The following MSI2 variants were observed in gnomAD, a reference collection of about 807,000 sequenced individuals.
MSI2 encodes the protein RNA-binding protein Musashi homolog 2.
In MSI2, 17 loss-of-function variants were observed where a neutral mutation model predicts 45.6. The ratio of observed to expected loss-of-function variants is 0.37; its 90% CI spans 0.26 to 0.56. The LOEUF (loss-of-function observed/expected upper bound fraction) is 0.56, where lower values mean the gene tolerates loss of function less well. Ranked by LOEUF, MSI2 falls within the 20% of genes least tolerant of loss-of-function variation. The pLI is 0.77. For missense variants in MSI2, 293 were observed against 444.2 expected (o/e 0.66, Z 3.06); for synonymous variants, 156 against 158.2 (o/e 0.99, Z 0.11).
intron 6 of MSI2, among the ~76,000 whole-genome samples, chr17:57,492,617 G>T (rs1230368746): frequency 6.6e-6 from 1 of 150,864 alleles, no homozygotes; most frequent in East Asian, 1.9e-4. Flanking sequence ...GTTTTGTTTT[G>T]TTTTTTTTTG....
At chr17:57,676,284 G>A (rs894178161) in intron 12 of MSI2, among the ~76,000 whole-genome samples, 3 of 152,062 alleles carry the variant, frequency 2.0e-5, no homozygotes, top group Non-Finnish European at 4.4e-5. Context: ...ACGCACACAC[G>A]CACACACAGG....
intron 6 of MSI2, among the ~76,000 whole-genome samples, chr17:57,426,855 G>T (rs745768545): frequency 3.9e-5 from 6 of 152,246 alleles, no homozygotes; most frequent in Admixed American, 2.6e-4. Context: ...CAGCGTTAGA[G>T]TGAAGATTTT....
chr17:57,304,847 A>G (rs1911749435), intron 5 of MSI2, among the ~76,000 whole-genome samples: 2 of 152,158 alleles, frequency 1.3e-5, no homozygotes, highest in Non-Finnish European at 2.9e-5. Context: ...CCCTCTCCTA[A>G]GAAAAATCCC....
At chr17:57,279,715 G>C (rs527639812) in intron 5 of MSI2, 5 of 152,314 alleles carry the variant, frequency 3.3e-5, no homozygotes, top group African/African-American at 1.2e-4. Flanking sequence ...CACAATCAAA[G>C]CTCACTGCAG....
chr17:57,266,780 A>G (rs1907830193), intron 5 of MSI2: 1 of 152,264 alleles, frequency 6.6e-6, no homozygotes, highest in South Asian at 2.1e-4. Flanking sequence ...TTTGGTAACT[A>G]AATGAACGAA....
At chr17:57,517,450 C>A (rs2086492849) in intron 6 of MSI2, among the ~76,000 whole-genome samples, 1 of 152,214 alleles carries the variant, frequency 6.6e-6, no homozygotes, top group Non-Finnish European at 1.5e-5. Flanking sequence ...AGTGCTACTG[C>A]TGCTGAATTC....
chr17:57,688,694 A>G (rs1913929345), downstream of MSI2, among the ~76,000 whole-genome samples: 1 of 152,202 alleles, frequency 6.6e-6, no homozygotes, highest in Admixed American at 6.5e-5. Flanking sequence ...GAAGATACAT[A>G]TGTGTATATA....
chr17:57,608,581 G>A (rs748279100), intron 8 of MSI2, among the ~76,000 whole-genome samples: 4 of 152,244 alleles, frequency 2.6e-5, no homozygotes, highest in Admixed American at 6.5e-5. Context: ...GGCCTGAGCC[G>A]TCGCTTGGCC....
chr17:57,290,044 G>C (rs980719198), intron 5 of MSI2, among the ~76,000 whole-genome samples: 1 of 152,218 alleles, frequency 6.6e-6, no homozygotes, highest in Non-Finnish European at 1.5e-5. Flanking sequence ...TCTGGCCTTG[G>C]AGAGGCAGTA....
chr17:57,360,191 C>G (rs1184519482), intron 5 of MSI2, among the ~76,000 whole-genome samples: 2 of 152,238 alleles, frequency 1.3e-5, no homozygotes, highest in Non-Finnish European at 2.9e-5. Context: ...CTTCCTTAGA[C>G]TGCAGTTTTA....
intron 5 of MSI2, among the ~76,000 whole-genome samples, chr17:57,312,302 G>A (rs147583408): frequency 3.9e-5 from 6 of 152,362 alleles, no homozygotes; most frequent in African/African-American, 1.4e-4. Flanking sequence ...GTTGGGTTGT[G>A]TAGCAATTCC....
At chr17:57,575,917 C>CCTGGG (rs2088027368) in intron 7 of MSI2, among the ~76,000 whole-genome samples, 1 of 139,010 alleles carries the variant, frequency 7.2e-6, no homozygotes, top group Non-Finnish European at 1.5e-5. Context: ...TGCACTCCAG[C>CCTGGG]CTGGGCGACA....
At chr17:57,258,483 C>T in intron 4 of MSI2, 129 bp downstream of exon 4, 1 of 815,844 alleles carries the variant, frequency 1.2e-6, no homozygotes, top group Non-Finnish European at 2.1e-6. Flanking sequence ...ACTGAGCTAG[C>T]GAGTTGGCTC....
chr17:57,307,864 A>C (rs1298057011), intron 5 of MSI2, among the ~76,000 whole-genome samples: 5 of 152,198 alleles, frequency 3.3e-5, no homozygotes, highest in Non-Finnish European at 7.3e-5. Context: ...TGACTAATAC[A>C]TTCCCTATCA....
intron 6 of MSI2, among the ~76,000 whole-genome samples, chr17:57,415,158 G>T (rs527572394): frequency 5.7e-4 from 87 of 152,222 alleles, no homozygotes; most frequent in Middle Eastern, 3.4e-3. Context: ...GGGGGTACTT[G>T]GATGGGCATC....
intron 6 of MSI2, among the ~76,000 whole-genome samples, chr17:57,441,690 G>A (rs957876529): frequency 1.3e-5 from 2 of 152,078 alleles, no homozygotes; most frequent in Non-Finnish European, 2.9e-5. Flanking sequence ...CTGATTCTGT[G>A]CTTTCTTTCT....
intron 5 of MSI2, among the ~76,000 whole-genome samples, chr17:57,286,171 C>T (rs1488972525): frequency 1.3e-5 from 2 of 150,702 alleles, no homozygotes; most frequent in South Asian, 2.1e-4. Context: ...TCATGTGGGG[C>T]GACAGAACTA....
At chr17:57,306,373 A>G (rs1041639674) in intron 5 of MSI2, among the ~76,000 whole-genome samples, 1 of 152,026 alleles carries the variant, frequency 6.6e-6, no homozygotes, top group African/African-American at 2.4e-5. Flanking sequence ...CTCATCTGCA[A>G]TTTCACCAAA....
chr17:57,390,207 G>A (rs893992364), intron 5 of MSI2, among the ~76,000 whole-genome samples: 1 of 152,230 alleles, frequency 6.6e-6, no homozygotes, highest in Non-Finnish European at 1.5e-5. Flanking sequence ...GTGAGCTATA[G>A]TCATGCCACT....
Sources: allele counts gnomAD v4.1 joint callset (sites outside exome capture counted in the v4.1 genomes callset), GRCh38; gene constraint gnomAD v4.1.1; transcripts MANE v1.5; gene names NCBI Gene and HGNC (gene_info 2026-07-23, HGNC 2026-07-21).